NLRP11: variants seen among roughly 807,000 people sequenced by gnomAD.
NLRP11 encodes NACHT, LRR and PYD domains-containing protein 11.
A neutral mutation model predicts 79.3 loss-of-function variants in NLRP11; 53 were observed. The observed-to-expected ratio is 0.67, with a 90% CI of 0.54 to 0.84. The LOEUF (loss-of-function observed/expected upper bound fraction) is 0.84. Ranked by LOEUF, NLRP11 falls within the 40% of genes least tolerant of loss-of-function variation. The probability of loss-of-function intolerance (pLI) is 0.00; values close to 1 mark genes in which losing one functional copy is unlikely to be tolerated. For synonymous variants in NLRP11, 518 were observed against 462.6 expected (o/e 1.12, Z -1.54); for missense variants, 1,264 against 1,255.0 (o/e 1.01, Z -0.11).
At position 55,827,460 on chromosome 19, in the gene NLRP11, C is replaced by T. The variant is rs932937627; in HGVS notation, c.-63+4503G>A. On this transcript the variant is annotated intron_variant, in intron 1 of 9. Transcript: ENST00000589093. ...AGCTTCTGCACAGCAAAAGAAACTA[C>T]CATCAGAGTCAACAGGCAACCTACA... 5.3e-5 allele frequency among the ~76,000 whole-genome samples: 8 copies of T among 150,760 alleles called. No individual in the cohort carries two copies. The Admixed American group carries it at 5.3e-4, about 10-fold the overall frequency.
chr19:55,809,137 C>CTCTG lies in NLRP11; in HGVS notation c.1472_1473insCAGA (p.Phe492ArgfsTer18). ...TTAGAAGACCAAAAATGAAAGTAAA[C>CTCTG]ACTTGATTAAAGTCAGAGTATTGTT... On this transcript the variant is annotated frameshift_variant, in exon 3 of 10. Coordinates refer to ENST00000589093, the Ensembl canonical transcript of NLRP11. LOFTEE classifies it high-confidence loss of function. The surrounding 1 kb of genome is among the most constrained non-coding windows in gnomAD (Gnocchi z 4.5). 6.2e-7 allele frequency: 1 copy of CTCTG among 1,613,906 alleles called. No homozygotes were observed. The highest frequency in any genetic ancestry group is 1.3e-5 in the African/African-American group (1 of 75,026).
intron 6 of NLRP11, among the ~76,000 whole-genome samples, chr19:55,793,638 A>G (rs927746244): frequency 8.3e-5 from 12 of 144,190 alleles, no homozygotes; most frequent in Non-Finnish European, 1.2e-4. Flanking sequence ...TGGCTCTGGT[A>G]TGGGAAAAGG....
chr19:55,795,973 CTGCTT>C, intron 6 of NLRP11, 102 bp downstream of exon 6: 1 of 994,166 alleles, frequency 1.0e-6, no homozygotes, highest in Non-Finnish European at 1.5e-6. Context: ...GTGCTTTCGG[CTGCTT>C]TGCTTTGCTG....
chr19:55,809,958 G>T lies in NLRP11; in HGVS notation c.652C>A (p.Leu218Met). The T allele has an allele frequency of 6.2e-7, 1 of 1,614,054 alleles. No individual in the cohort carries two copies. The highest frequency in any genetic ancestry group is 8.5e-7 in the Non-Finnish European group (1 of 1,179,898). Residue 218 changes from leucine to methionine, a missense_variant, in exon 3 of 10, where the codon CTG (leucine) becomes ATG (methionine). Leu to Met is a conservative substitution (Grantham distance 15). Transcript: ENST00000589093. This position sits in a 1 kb window ranked among gnomAD's most constrained non-coding sequence, Gnocchi z 4.5. ...AAAAGGAGTTTCTTGGGATCAGACA[G>T]GATGTCTGCAATGGGAGCCTGGCCG...
intron 7 of NLRP11, among the ~76,000 whole-genome samples, chr19:55,790,372 T>C (rs1243248489): frequency 6.6e-6 from 1 of 152,214 alleles, no homozygotes; most frequent in Non-Finnish European, 1.5e-5. Context: ...CACATGTAGA[T>C]GAATGGCTGT....
intron 1 of NLRP11, among the ~76,000 whole-genome samples, chr19:55,818,843 C>T (rs1690913253): frequency 6.6e-6 from 1 of 152,024 alleles, no homozygotes; most frequent in Non-Finnish European, 1.5e-5. Context: ...CCAAAGACAG[C>T]CCCTAGGTTA....
chr19:55,807,834 A>C lies in NLRP11; in HGVS notation c.2003+19T>G. ...ATTCCTAGGGGAACCTCTAAGGCAG[A>C]GGTTGATATAGTACTTACTTGAGTG... is the stretch of plus-strand genomic sequence containing the variant. On this transcript the variant is annotated intron_variant, in intron 4 of 9. Coordinates refer to ENST00000589093, the Ensembl canonical transcript of NLRP11. The C allele has an allele frequency of 6.4e-7, 1 of 1,551,192 alleles. No homozygotes were observed. The highest frequency in any genetic ancestry group is 2.2e-5 in the East Asian group (1 of 44,446).
intron 4 of NLRP11, among the ~76,000 whole-genome samples, chr19:55,804,308 G>A (rs1979770141): frequency 6.6e-6 from 1 of 152,100 alleles, no homozygotes; most frequent in South Asian, 2.1e-4. Flanking sequence ...AAAGATACAT[G>A]CACATGAATG....
rs576770596 is a variant in NLRP11 at position 55,794,557 on chromosome 19, G to C, written c.2342+1523C>G. On this transcript the variant is annotated intron_variant, in intron 6 of 9. Coordinates refer to ENST00000589093, the Ensembl canonical transcript of NLRP11. ...GGGTGGATCACGAGGTCAGGAGATC[G>C]AGACCATCCTGGCTGACACGGTGAA... Among the ~76,000 whole-genome samples, 30 of 152,192 alleles carry C rather than the reference G, an allele frequency of 2.0e-4. 1 individual carries two copies. The South Asian group carries it at 5.4e-3, about 27-fold the overall frequency.
At chr19:55,788,303 T>C (rs1990006422) in intron 9 of NLRP11, among the ~76,000 whole-genome samples, 1 of 152,256 alleles carries the variant, frequency 6.6e-6, no homozygotes, top group Non-Finnish European at 1.5e-5. Flanking sequence ...TTACTCACCA[T>C]TGAGTACATC....
intron 4 of NLRP11, among the ~76,000 whole-genome samples, chr19:55,806,718 C>G (rs188148732): frequency 1.3e-5 from 2 of 152,288 alleles, no homozygotes; most frequent in African/African-American, 4.8e-5. Flanking sequence ...TCACCTCACT[C>G]CAGAAAACCC....
intron 9 of NLRP11, among the ~76,000 whole-genome samples, chr19:55,787,509 G>C (rs775554553): frequency 8.5e-5 from 13 of 152,098 alleles, no homozygotes; most frequent in Non-Finnish European, 7.3e-5. Context: ...GCTAACTTTT[G>C]TATTTTTAGT....
At chr19:55,817,048 T>C (rs1981186293) in intron 2 of NLRP11, among the ~76,000 whole-genome samples, 2 of 152,010 alleles carry the variant, frequency 1.3e-5, no homozygotes, top group African/African-American at 4.8e-5. Context: ...ATGGCCAGTA[T>C]CTGATAGTCC....
intron 5 of NLRP11, 59 bp from the exon 6 acceptor site, chr19:55,796,309 AAATT>A (rs1978862586): frequency 7.7e-7 from 1 of 1,299,466 alleles, no homozygotes; most frequent in Non-Finnish European, 1.0e-6. Flanking sequence ...CCCCTCTTTT[AAATT>A]AAAAAAAAAA....
chr19:55,796,524 G>A lies in NLRP11; in HGVS notation c.2172-274C>T, dbSNP rs116369105. On this transcript the variant is annotated intron_variant, in intron 5 of 9. Coordinates refer to ENST00000589093, the Ensembl canonical transcript of NLRP11. ...GGTTTCCAGGGTGATGGTTCAGAAC[G>A]GTAAGTCAGGTATCAAGCATCCCAC... 9.0e-3 allele frequency among the ~76,000 whole-genome samples: 1,361 copies of A among 152,052 alleles called. 25 individuals are homozygous for A. Among genetic ancestry groups the A allele is most frequent in the African/African-American group, 0.031 (1,267 of 41,462 alleles).
At chr19:55,791,474 A>G (rs1206557951) in intron 7 of NLRP11, among the ~76,000 whole-genome samples, 1 of 152,232 alleles carries the variant, frequency 6.6e-6, no homozygotes, top group Non-Finnish European at 1.5e-5. Flanking sequence ...AAGATACCAT[A>G]CTGCTGAGCA....
At chr19:55,804,500 T>C (rs1363902311) in intron 4 of NLRP11, among the ~76,000 whole-genome samples, 1 of 151,624 alleles carries the variant, frequency 6.6e-6, no homozygotes, top group Non-Finnish European at 1.5e-5. Flanking sequence ...TAGCAAACTA[T>C]CACAGGAACA....
In NLRP11 at chr19:55,829,200, A is replaced by ATT. The variant is rs59415251; in HGVS notation, c.-63+2761_-63+2762dup. 1.4e-3 allele frequency among the ~76,000 whole-genome samples: 212 copies of ATT among 147,932 alleles called. 1 individual carries two copies. Among genetic ancestry groups the ATT allele is most frequent in the South Asian group, 4.3e-3 (20 of 4,642 alleles). On this transcript the variant is annotated intron_variant, in intron 1 of 9. Coordinates refer to ENST00000589093, the Ensembl canonical transcript of NLRP11. ...CATACACACGCTGACACAATATTGC[A>ATT]TTTTTTTTTTTTTTGAGGAACCTAT...
upstream of NLRP11, among the ~76,000 whole-genome samples, chr19:55,834,682 T>C (rs144589626): frequency 6.6e-6 from 1 of 152,300 alleles, no homozygotes; most frequent in African/African-American, 2.4e-5. Context: ...TTGTTCATAT[T>C]GGCAAAAACT....
Sources: gnomAD v4.1 joint callset for allele counts (sites outside exome capture counted in the v4.1 genomes callset) on GRCh38, gnomAD v4.1.1 for gene constraint, Gnocchi (gnomAD v3.1) non-coding constraint, MANE v1.5 for transcripts, NCBI Gene and HGNC (gene_info 2026-07-23, HGNC 2026-07-21) for gene names.